Variants in CDC73 observed in about 807,000 individuals in gnomAD.
CDC73 encodes the protein cell division cycle 73.
CDC73 carries 21 observed loss-of-function variants against 83.7 expected under a neutral mutation model. That is an observed-to-expected ratio of 0.25 (90% confidence interval 0.18 to 0.36). The LOEUF (loss-of-function observed/expected upper bound fraction) is 0.36, where lower values mean the gene tolerates loss of function less well. CDC73 is among the 10% of genes least tolerant of loss of function. The probability of loss-of-function intolerance (pLI) is 1.00; values close to 1 mark genes in which losing one functional copy is unlikely to be tolerated. For synonymous variants in CDC73, 224 were observed against 212.9 expected, an observed-to-expected ratio of 1.05 and a Z score of -0.45; for missense variants, 342 against 653.3, an observed-to-expected ratio of 0.52 and a Z score of 5.19.
intron 3 of CDC73, among the ~76,000 whole-genome samples, chr1:193,131,384 T>A (rs1675690683): frequency 6.6e-6 from 1 of 152,234 alleles, no homozygotes; most frequent in Admixed American, 6.5e-5. Context: ...GTATGACAAC[T>A]TCTTACCATT....
Position 193,197,500 on chromosome 1 carries a change from T to G in CDC73, c.973-6295T>G, listed in dbSNP as rs1572191915. ...AATACATATGTAATTGTATTAATAA[T>G]TTTTTCATTTCATGTATTTATTATC... On this transcript the variant is annotated intron_variant, in intron 10 of 16. Coordinates refer to ENST00000367435, the MANE Select transcript of CDC73 (RefSeq NM_024529.5). 2.0e-5 allele frequency among the ~76,000 whole-genome samples: 3 copies of G among 152,320 alleles called. No homozygotes were observed. In the South Asian group the frequency reaches 6.2e-4, roughly 32 times the overall value.
chr1:193,161,641 T>C lies in CDC73; in HGVS notation c.972+9197T>C, dbSNP rs1284628540. ...ATTATATGATAGATATATAATATAT[T>C]ATATAATATATAATATATTATATAT... is the stretch of plus-strand genomic sequence containing the variant. On this transcript the variant is annotated intron_variant, in intron 10 of 16. Coordinates refer to ENST00000367435, the MANE Select transcript of CDC73 (RefSeq NM_024529.5). Among the ~76,000 whole-genome samples, 126 of 83,934 alleles carry C rather than the reference T, an allele frequency of 1.5e-3. 42 individuals carry two copies. The highest frequency in any genetic ancestry group is 2.4e-3 in the Non-Finnish European group (110 of 44,918). The allele number at this position is 83,934 out of a possible 152,430, so 55.1% of individuals were successfully genotyped here. A position where few individuals can be genotyped will look rare whatever the true frequency, so the allele number is the denominator to read the frequency against.
chr1:193,138,048 A>G (rs571687597), intron 5 of CDC73, 37 bp from the exon 6 acceptor site: 2 of 1,459,488 alleles, frequency 1.4e-6, no homozygotes, highest in African/African-American at 1.4e-5. Flanking sequence ...AAAGTTCAAT[A>G]AAAATTTTAA....
chr1:193,204,207 G>GTATATATACATATATACA (rs1470906891), intron 11 of CDC73, among the ~76,000 whole-genome samples: 3 of 14,738 alleles, frequency 2.0e-4, no homozygotes, highest in African/African-American at 8.7e-4. Flanking sequence ...ATATATACGT[G>GTATATATACATATATACA]TATATATATG....
intron 10 of CDC73, among the ~76,000 whole-genome samples, chr1:193,159,568 G>T (rs1422822605): frequency 6.6e-6 from 1 of 151,720 alleles, no homozygotes; most frequent in Non-Finnish European, 1.5e-5. Context: ...GACTGTATTG[G>T]CCAGGCTGGT....
intron 10 of CDC73, chr1:193,180,392 T>G: frequency 1.2e-6 from 2 of 1,613,874 alleles, no homozygotes; most frequent in Non-Finnish European, 1.7e-6. Flanking sequence ...CAGTATTTTA[T>G]CAGTTCACTA....
intron 6 of CDC73, among the ~76,000 whole-genome samples, chr1:193,138,408 G>A (rs566147413): frequency 1.3e-5 from 2 of 152,232 alleles, no homozygotes; most frequent in African/African-American, 4.8e-5. Context: ...TAAAAATTGC[G>A]TTATAAGCTG....
intron 13 of CDC73, among the ~76,000 whole-genome samples, chr1:193,225,838 C>T (rs1677558266): frequency 6.6e-6 from 1 of 152,060 alleles, no homozygotes; most frequent in African/African-American, 2.4e-5. Context: ...GAAGATTTTT[C>T]TCCCACTCTG....
At position 193,220,433 on chromosome 1, in the gene CDC73, C is replaced by T. The variant is rs139815828; in HGVS notation, c.1154+7956C>T. On this transcript the variant is annotated intron_variant, in intron 13 of 16. Transcript: ENST00000367435. ...AAACTGCTGAGATTACAGACATGAGCCACTGTGCCTGGCCTAATGATAACT... is the reference window on the plus strand; with the variant it reads ...AAACTGCTGAGATTACAGACATGAGTCACTGTGCCTGGCCTAATGATAACT... Among the ~76,000 whole-genome samples the T allele has an allele frequency of 1.3e-3, 199 of 152,086 alleles. 1 individual carries two copies. Among genetic ancestry groups the T allele is most frequent in the African/African-American group, 4.7e-3 (193 of 41,486 alleles).
chr1:193,229,378 A>C (rs1677617753), intron 13 of CDC73, among the ~76,000 whole-genome samples: 2 of 152,242 alleles, frequency 1.3e-5, no homozygotes, highest in South Asian at 4.1e-4. Context: ...CTAATGCCCC[A>C]GGGTATTTGT....
intron 3 of CDC73, among the ~76,000 whole-genome samples, chr1:193,132,464 G>A (rs1367570970): frequency 6.6e-6 from 1 of 152,078 alleles, no homozygotes; most frequent in Non-Finnish European, 1.5e-5. Flanking sequence ...GATGGAGTTG[G>A]GGAGGATAGA....
chr1:193,238,241 A>C (rs1677797136), intron 15 of CDC73, among the ~76,000 whole-genome samples: 1 of 152,118 alleles, frequency 6.6e-6, no homozygotes, highest in Non-Finnish European at 1.5e-5. Context: ...GCGTTTAAGA[A>C]TACTCTTTCC....
chr1:193,221,470 C>A (rs960681437), intron 13 of CDC73, among the ~76,000 whole-genome samples: 1 of 151,824 alleles, frequency 6.6e-6, no homozygotes, highest in African/African-American at 2.4e-5. Flanking sequence ...TCCAATCTCA[C>A]AAATTTTAGT....
At chr1:193,162,740 C>T (rs547922298) in intron 10 of CDC73, among the ~76,000 whole-genome samples, 1 of 152,244 alleles carries the variant, frequency 6.6e-6, no homozygotes, top group South Asian at 2.1e-4. Flanking sequence ...GAATTCTGGA[C>T]ATTATCAATC....
chr1:193,167,111 T>A (rs1272993622), intron 10 of CDC73, among the ~76,000 whole-genome samples: 1 of 152,228 alleles, frequency 6.6e-6, no homozygotes, highest in African/African-American at 2.4e-5. Flanking sequence ...CCTTTGGCAG[T>A]GATAAATCTG....
intron 10 of CDC73, among the ~76,000 whole-genome samples, chr1:193,162,762 T>G (rs1016071728): frequency 1.3e-5 from 2 of 152,212 alleles, no homozygotes; most frequent in Non-Finnish European, 2.9e-5. Flanking sequence ...TGTAATCATT[T>G]ACCTCCCCAA....
At chr1:193,191,651 G>A (rs1676920422) in intron 10 of CDC73, among the ~76,000 whole-genome samples, 1 of 152,110 alleles carries the variant, frequency 6.6e-6, no homozygotes, top group Non-Finnish European at 1.5e-5. Context: ...CTCCCAAAGT[G>A]CGGGGGATTA....
intron 15 of CDC73, among the ~76,000 whole-genome samples, chr1:193,244,493 G>T (rs937413912): frequency 1.3e-5 from 2 of 152,164 alleles, no homozygotes; most frequent in Non-Finnish European, 2.9e-5. Context: ...GGGCCAGGAG[G>T]GTCACTTGAG....
chr1:193,191,501 C>T (rs1036294785), intron 10 of CDC73, among the ~76,000 whole-genome samples: 2 of 152,280 alleles, frequency 1.3e-5, no homozygotes, highest in East Asian at 1.9e-4. Flanking sequence ...GATTCTCCTT[C>T]GTCAGCCACC....
Sources: allele counts gnomAD v4.1 joint callset (sites outside exome capture counted in the v4.1 genomes callset), GRCh38; gene constraint gnomAD v4.1.1; transcripts MANE v1.5; gene names NCBI Gene and HGNC (gene_info 2026-07-23, HGNC 2026-07-21).